RBPMS: variants seen among roughly 807,000 people sequenced by gnomAD.
The protein encoded by RBPMS is RNA-binding protein with multiple splicing.
In RBPMS, 7 loss-of-function variants were observed where a neutral mutation model predicts 26.8. That is an observed-to-expected ratio of 0.26 (90% CI 0.15 to 0.49). The LOEUF (loss-of-function observed/expected upper bound fraction) is 0.49. Ranked by LOEUF, RBPMS falls within the 20% of genes least tolerant of loss-of-function variation. The probability of loss-of-function intolerance (pLI) is 0.98; values close to 1 mark genes in which losing one functional copy is unlikely to be tolerated. For synonymous variants in RBPMS, 96 were observed against 93.3 expected, an observed-to-expected ratio of 1.03 and a Z score of -0.17; for missense variants, 186 against 250.0, an observed-to-expected ratio of 0.74 and a Z score of 1.73.
intron 1 of RBPMS, among the ~76,000 whole-genome samples, chr8:30,473,981 G>C (rs2150825663): frequency 6.6e-6 from 1 of 152,258 alleles, no homozygotes; most frequent in South Asian, 2.1e-4. Context: ...GCTAATGGTT[G>C]CTGGGCTTAA....
At chr8:30,420,975 A>G (rs1810713264) in intron 1 of RBPMS, among the ~76,000 whole-genome samples, 1 of 152,202 alleles carries the variant, frequency 6.6e-6, no homozygotes, top group Non-Finnish European at 1.5e-5. Flanking sequence ...TTATCAGTTA[A>G]AAGTTTAAAA....
At position 30,422,103 on chromosome 8, in the gene RBPMS, TTTTTA is replaced by T. The variant is rs1259603159; in HGVS notation, c.66+36965_66+36969del. Among the ~76,000 whole-genome samples the T allele has an allele frequency of 1.8e-3, 280 of 151,758 alleles. 1 individual carries two copies. The highest frequency in any genetic ancestry group is 6.3e-3 in the African/African-American group (263 of 41,478). The stretch of plus-strand genomic sequence containing the variant: ...TACTGTTGTTTTTCTTTTTCTTATT[TTTTTA>T]TTTTATTTTATTTTATTTTTATTTT... On this transcript the variant is annotated intron_variant, in intron 1 of 8. Transcript: ENST00000397323.
intron 1 of RBPMS, among the ~76,000 whole-genome samples, chr8:30,435,503 G>C (rs1812355824): frequency 6.6e-6 from 1 of 152,152 alleles, no homozygotes; most frequent in Admixed American, 6.5e-5. Flanking sequence ...GTAATCTCAT[G>C]GTACCAGTAT....
chr8:30,438,893 C>T (rs1393831982), intron 1 of RBPMS, among the ~76,000 whole-genome samples: 1 of 152,158 alleles, frequency 6.6e-6, no homozygotes, highest in Non-Finnish European at 1.5e-5. Flanking sequence ...CATGCCTCAG[C>T]CTCCTTAGTA....
At chr8:30,554,047 A>G (rs1190525039) in intron 6 of RBPMS, among the ~76,000 whole-genome samples, 2 of 152,324 alleles carry the variant, frequency 1.3e-5, no homozygotes, top group South Asian at 2.1e-4. Context: ...AAGTGCTGGG[A>G]TTACAGGCAT....
At chr8:30,518,260 G>A (rs1822565157) in intron 5 of RBPMS, among the ~76,000 whole-genome samples, 2 of 152,138 alleles carry the variant, frequency 1.3e-5, no homozygotes, top group Non-Finnish European at 2.9e-5. Context: ...CAGGTTAACT[G>A]GATCCTGCTT....
At chr8:30,561,050 G>A (rs1188641615) in intron 7 of RBPMS, among the ~76,000 whole-genome samples, 2 of 152,140 alleles carry the variant, frequency 1.3e-5, no homozygotes, top group Admixed American at 1.3e-4. Flanking sequence ...AAATGGTAGT[G>A]TTAGGAAATG....
In RBPMS at chr8:30,389,841, G is replaced by A. The variant is rs568730021; in HGVS notation, c.66+4683G>A. On this transcript the variant is annotated intron_variant, in intron 1 of 8. Coordinates refer to ENST00000397323, the MANE Select transcript of RBPMS (RefSeq NM_001008710.3). ...ATTTATTATGTATTATACATATGTGGTTATATACTATTCTCTGTGTTCTGG... is the reference window on the plus strand; with the variant it reads ...ATTTATTATGTATTATACATATGTGATTATATACTATTCTCTGTGTTCTGG... Among the ~76,000 whole-genome samples, 71 of 152,150 alleles carry A rather than the reference G, an allele frequency of 4.7e-4. 1 individual carries two copies. The South Asian group carries it at 7.5e-3, about 16-fold the overall frequency.
intron 1 of RBPMS, among the ~76,000 whole-genome samples, chr8:30,455,201 C>T (rs1815060502): frequency 6.6e-6 from 1 of 152,102 alleles, no homozygotes; most frequent in African/African-American, 2.4e-5. Flanking sequence ...GGAGTCTTTT[C>T]CTCTTAAAAC....
At position 30,555,726 on chromosome 8, in the gene RBPMS, C is replaced by T. The variant is rs371561814; in HGVS notation, c.529-3161C>T. On this transcript the variant is annotated intron_variant, in intron 6 of 8. Transcript: ENST00000397323. Reference sequence around the variant, plus strand: ...CTGAACTGTTTGGAGAGGACCTTGACGCAGGCAGTCTGGAGGGAACTGTAG... The same window carrying T: ...CTGAACTGTTTGGAGAGGACCTTGATGCAGGCAGTCTGGAGGGAACTGTAG... Among the ~76,000 whole-genome samples, 51 of 152,310 alleles carry T rather than the reference C, an allele frequency of 3.3e-4. No homozygotes were observed. The South Asian group carries it at 0.01, about 31-fold the overall frequency.
intron 1 of RBPMS, among the ~76,000 whole-genome samples, chr8:30,470,517 G>A (rs749797252): frequency 2.5e-4 from 38 of 152,100 alleles, no homozygotes; most frequent in Non-Finnish European, 5.3e-4. Context: ...GTCTGAGGAG[G>A]TCTCTAGGAC....
chr8:30,387,264 G>A (rs1205516536), intron 1 of RBPMS: 1 of 152,214 alleles, frequency 6.6e-6, no homozygotes, highest in Admixed American at 6.5e-5. Flanking sequence ...ACCGTGAAGA[G>A]AGGGGGGTTT....
chr8:30,557,974 C>T (rs1827105510), intron 6 of RBPMS, among the ~76,000 whole-genome samples: 1 of 152,236 alleles, frequency 6.6e-6, no homozygotes, highest in African/African-American at 2.4e-5. Flanking sequence ...AAGCGATTCT[C>T]CTGCCTCAGC....
chr8:30,456,322 C>T (rs1585528563), intron 1 of RBPMS, among the ~76,000 whole-genome samples: 1 of 152,056 alleles, frequency 6.6e-6, no homozygotes, highest in African/African-American at 2.4e-5. Flanking sequence ...AAAAGGTCAT[C>T]GAAGGTCTGT....
At chr8:30,432,085 C>T (rs967044481) in intron 1 of RBPMS, among the ~76,000 whole-genome samples, 2 of 152,120 alleles carry the variant, frequency 1.3e-5, no homozygotes, top group South Asian at 4.2e-4. Context: ...ATGATCACGC[C>T]GCTGCACTCC....
intron 4 of RBPMS, among the ~76,000 whole-genome samples, chr8:30,485,767 T>C (rs1818703134): frequency 6.6e-6 from 1 of 152,170 alleles, no homozygotes; most frequent in Non-Finnish European, 1.5e-5. Flanking sequence ...CCATGTACAA[T>C]TCAGAAAGAA....
chr8:30,519,768 C>T (rs892282608), intron 5 of RBPMS, among the ~76,000 whole-genome samples: 1 of 152,132 alleles, frequency 6.6e-6, no homozygotes, highest in Non-Finnish European at 1.5e-5. Flanking sequence ...GCTGGGATTA[C>T]AGGCGTGAGC....
chr8:30,385,210 C>A (rs1010450789), intron 1 of RBPMS, 52 bp downstream of exon 1: 5 of 1,332,516 alleles, frequency 3.8e-6, no homozygotes, highest in Non-Finnish European at 3.9e-6. Context: ...CCAGTGCGGG[C>A]GGCCGGCGGG....
At chr8:30,442,146 C>CG (rs1342279747) in intron 1 of RBPMS, among the ~76,000 whole-genome samples, 2 of 152,156 alleles carry the variant, frequency 1.3e-5, no homozygotes, top group Non-Finnish European at 2.9e-5. Context: ...AGGCTGGTCT[C>CG]GAACTCCTGG....
Sources: gnomAD v4.1 joint callset for allele counts (sites outside exome capture counted in the v4.1 genomes callset) on GRCh38, gnomAD v4.1.1 for gene constraint, MANE v1.5 for transcripts, NCBI Gene and HGNC (gene_info 2026-07-23, HGNC 2026-07-21) for gene names.